The following FBXO11 variants were observed in gnomAD, a reference collection of about 807,000 sequenced individuals.
FBXO11 encodes the protein F-box only protein 11.
FBXO11 carries 13 observed loss-of-function variants against 117.0 expected under a neutral mutation model. The ratio of observed to expected loss-of-function variants is 0.11; its 90% CI spans 0.07 to 0.18. The LOEUF (loss-of-function observed/expected upper bound fraction) is 0.18, where lower values mean the gene tolerates loss of function less well. Ranked by LOEUF, FBXO11 falls within the 10% of genes least tolerant of loss-of-function variation. The pLI, the probability that FBXO11 is intolerant of heterozygous loss-of-function variation, is 1.00. For synonymous variants in FBXO11, 490 were observed against 380.5 expected, an observed-to-expected ratio of 1.29 and a Z score of -3.35; for missense variants, 767 against 1,164.4, an observed-to-expected ratio of 0.66 and a Z score of 4.97.
chr2:47,851,590 C>G (rs1217387529), intron 1 of FBXO11, among the ~76,000 whole-genome samples: 1 of 152,226 alleles, frequency 6.6e-6, no homozygotes, highest in East Asian at 1.9e-4. Flanking sequence ...GGGAACTGTT[C>G]TAGTAGGGGA....
At chr2:47,848,473 T>C (rs564375362) in intron 1 of FBXO11, among the ~76,000 whole-genome samples, 1 of 152,298 alleles carries the variant, frequency 6.6e-6, no homozygotes, top group South Asian at 2.1e-4. Flanking sequence ...TCTGAGTCCG[T>C]GGAAAAACTG....
At chr2:47,842,299 C>A (rs1647186975) in intron 1 of FBXO11, among the ~76,000 whole-genome samples, 1 of 152,140 alleles carries the variant, frequency 6.6e-6, no homozygotes, top group African/African-American at 2.4e-5. Context: ...CAGGCGTGAG[C>A]CACCGGCGCC....
chr2:47,853,632 GCTC>G (rs1423259479), intron 1 of FBXO11, among the ~76,000 whole-genome samples: 1 of 152,034 alleles, frequency 6.6e-6, no homozygotes, highest in African/African-American at 2.4e-5. Flanking sequence ...TTTAACTTAA[GCTC>G]CTCAACTCAT....
chr2:47,816,373 GT>G (rs1671010828), intron 16 of FBXO11, among the ~76,000 whole-genome samples: 1 of 152,024 alleles, frequency 6.6e-6, no homozygotes, highest in African/African-American at 2.4e-5. Flanking sequence ...CAGAGACAGG[GT>G]TTTGCTATGT....
At chr2:47,848,466 G>A (rs147067676) in intron 1 of FBXO11, among the ~76,000 whole-genome samples, 26 of 152,268 alleles carry the variant, frequency 1.7e-4, no homozygotes, top group African/African-American at 6.0e-4. Flanking sequence ...CCACCCCTCT[G>A]AGTCCGTGGA....
At chr2:47,823,738 A>G (rs1350453905) in intron 11 of FBXO11, among the ~76,000 whole-genome samples, 2 of 152,030 alleles carry the variant, frequency 1.3e-5, no homozygotes, top group Non-Finnish European at 2.9e-5. Context: ...GGGTGACAAG[A>G]GCAAAACTCC....
At chr2:47,826,534 G>C (rs1198322726) in intron 11 of FBXO11, among the ~76,000 whole-genome samples, 2 of 152,088 alleles carry the variant, frequency 1.3e-5, no homozygotes, top group Non-Finnish European at 2.9e-5. Context: ...TCTATTATGG[G>C]ACAGCAGAAT....
chr2:47,852,065 C>A lies in FBXO11; in HGVS notation c.233-12296G>T, dbSNP rs532924541. ...GGAGTGCAATGGCACTATCTTGGCTCACTGCAACCTCCACACCTGCTTCAA... is the reference window on the plus strand; with the variant it reads ...GGAGTGCAATGGCACTATCTTGGCTAACTGCAACCTCCACACCTGCTTCAA... On this transcript the variant is annotated intron_variant, in intron 1 of 22. Coordinates refer to ENST00000403359, the MANE Select transcript of FBXO11 (RefSeq NM_001190274.2). Among the ~76,000 whole-genome samples the A allele has an allele frequency of 1.1e-3, 165 of 148,856 alleles. 1 individual carries two copies. Among genetic ancestry groups the A allele is most frequent in the Middle Eastern group, 0.011 (3 of 282 alleles).
chr2:47,861,318 C>CT (rs869265850), intron 1 of FBXO11, among the ~76,000 whole-genome samples: 9,471 of 132,598 alleles, frequency 0.071, 489 homozygotes, highest in Non-Finnish European at 0.11. Context: ...ATAGTCTGAC[C>CT]TTTTTTTTTT....
chr2:47,875,496 GT>G (rs1350833602), intron 1 of FBXO11, among the ~76,000 whole-genome samples: 7 of 98,132 alleles, frequency 7.1e-5, no homozygotes, highest in African/African-American at 1.4e-4. Flanking sequence ...TTCTTTTTTT[GT>G]CTTTTTTTTT....
intron 1 of FBXO11, among the ~76,000 whole-genome samples, chr2:47,843,045 C>G (rs1673132431): frequency 6.6e-6 from 1 of 152,138 alleles, no homozygotes; most frequent in Admixed American, 6.6e-5. Flanking sequence ...CCATGGCCTC[C>G]CAAAGTGATG....
At chr2:47,873,721 AT>A (rs1195878092) in intron 1 of FBXO11, among the ~76,000 whole-genome samples, 2 of 152,180 alleles carry the variant, frequency 1.3e-5, no homozygotes, top group East Asian at 3.9e-4. Context: ...TTCCAAACTG[AT>A]TTATTTTGTC....
chr2:47,851,417 T>C (rs1219731556), intron 1 of FBXO11, among the ~76,000 whole-genome samples: 5 of 152,112 alleles, frequency 3.3e-5, no homozygotes, highest in East Asian at 1.9e-4. Flanking sequence ...TTAGTAGAGA[T>C]GGGGTTTCAC....
intron 13 of FBXO11, among the ~76,000 whole-genome samples, chr2:47,821,108 G>C (rs183581964): frequency 5.1e-4 from 78 of 152,316 alleles, no homozygotes; most frequent in African/African-American, 1.8e-3. Flanking sequence ...TTGGGACTAA[G>C]GTCTTATTTA....
intron 1 of FBXO11, among the ~76,000 whole-genome samples, chr2:47,874,729 T>G (rs757742909): frequency 6.6e-6 from 1 of 152,024 alleles, no homozygotes; most frequent in Non-Finnish European, 1.5e-5. Flanking sequence ...GAGATGGGAT[T>G]TCACCATGTT....
chr2:47,855,138 C>T (rs1195080480), intron 1 of FBXO11, among the ~76,000 whole-genome samples: 1 of 151,830 alleles, frequency 6.6e-6, no homozygotes, highest in Non-Finnish European at 1.5e-5. Context: ...TTTCTTAGTA[C>T]ATTTCAATTT....
intron 1 of FBXO11, among the ~76,000 whole-genome samples, chr2:47,885,547 C>A (rs1383196914): frequency 6.6e-6 from 1 of 151,792 alleles, no homozygotes; most frequent in Admixed American, 6.6e-5. Context: ...TGCACTCCAG[C>A]CTGGGCAACA....
chr2:47,855,016 G>A (rs1355472325), intron 1 of FBXO11, among the ~76,000 whole-genome samples: 1 of 152,030 alleles, frequency 6.6e-6, no homozygotes, highest in African/African-American at 2.4e-5. Context: ...AAAAGGCCTG[G>A]ATTAGGGTGG....
At chr2:47,810,490 G>T in intron 18 of FBXO11, 64 bp from the exon 19 acceptor site, 1 of 988,982 alleles carries the variant, frequency 1.0e-6, no homozygotes, top group Non-Finnish European at 1.5e-6. Flanking sequence ...CCTTTTTGGT[G>T]GTATTTAGGT....
Sources: allele counts gnomAD v4.1 joint callset (sites outside exome capture counted in the v4.1 genomes callset), GRCh38; gene constraint gnomAD v4.1.1; transcripts MANE v1.5; gene names NCBI Gene and HGNC (gene_info 2026-07-23, HGNC 2026-07-21).